The following EMG1 variants were observed in gnomAD, a reference collection of about 807,000 sequenced individuals.
EMG1 encodes ribosomal RNA small subunit methyltransferase NEP1.
EMG1 carries 24 observed loss-of-function variants against 26.9 expected under a neutral mutation model. The ratio of observed to expected loss-of-function variants is 0.89; its 90% CI spans 0.65 to 1.26. The LOEUF is 1.26. Among genes scored for constraint, EMG1 ranks in the 50% most tolerant of loss-of-function variants. The pLI is 0.00. For missense variants in EMG1, 299 were observed against 307.6 expected (o/e 0.97, Z 0.21); for synonymous variants, 140 against 112.6 (o/e 1.24, Z -1.54).
rs372779694 is a variant in EMG1, at chr12:6,978,348, C to T, written c.*2539C>T. 2 of 1,608,808 alleles carry T rather than the reference C, an allele frequency of 1.2e-6. No homozygotes were observed. The highest frequency in any genetic ancestry group is 1.7e-6 in the Non-Finnish European group (2 of 1,177,126). On this transcript the variant is annotated 3_prime_UTR_variant, in exon 6 of 6. Coordinates refer to ENST00000599672, the MANE Select transcript of EMG1 (RefSeq NM_006331.8). ...TCCCCACCAGCAGCTCACCGGGCCA[C>T]CCAGGCGTTGGTGTTGATGTTGAAT...
chr12:6,987,673 TTC>T lies in EMG1; in HGVS notation c.*155-103_*155-102del. The T allele has an allele frequency of 2.5e-6, 1 of 396,564 alleles. No individual in the cohort carries two copies. Among genetic ancestry groups the T allele is most frequent in the Middle Eastern group, 5.8e-4 (1 of 1,716 alleles). 24.6% of individuals were successfully genotyped at this position (396,564 alleles called of 1,614,324 possible). On this transcript the variant is annotated intron_variant and NMD_transcript_variant, in intron 6 of 7. Coordinates refer to the EMG1 transcript ENST00000261406. The surrounding 1 kb of genome is among the most constrained non-coding windows in gnomAD (Gnocchi z 4.1). ...ATAAATAAGTTCTAGGTAGCTAAGT[TTC>T]TCTCTTTAAGCATGAAAACCCTTAA...
chr12:6,974,285 G>C (rs1026362189), intron 1 of EMG1, 54 bp from the exon 2 acceptor site: 3 of 1,338,092 alleles, frequency 2.2e-6, no homozygotes, highest in African/African-American at 1.4e-5. Context: ...AAGAACCACG[G>C]GGCTAGGTAA....
chr12:6,978,395 C>A lies in EMG1; in HGVS notation c.*2586C>A, dbSNP rs1036731044. 2 of 1,613,566 alleles carry A rather than the reference C, an allele frequency of 1.2e-6. No individual in the cohort carries two copies. Among genetic ancestry groups the A allele is most frequent in the Admixed American group, 3.3e-5 (2 of 59,952 alleles). On this transcript the variant is annotated 3_prime_UTR_variant, in exon 6 of 6. Transcript: ENST00000599672. ...GAATGAGGCAATGGTGCCAGTGAAG[C>A]GGGGGTTTGTTTCAAAGAGCCACAC...
chr12:6,976,859 G>A lies in EMG1; in HGVS notation c.*1050G>A, dbSNP rs1591710050. 1 of 303,908 alleles carries A rather than the reference G, an allele frequency of 3.3e-6. No homozygotes were observed. The highest frequency in any genetic ancestry group is 6.3e-6 in the Non-Finnish European group (1 of 159,550). The allele number at this position is 303,908 out of a possible 1,614,324, so 18.8% of individuals were successfully genotyped here. On this transcript the variant is annotated 3_prime_UTR_variant, in exon 6 of 6. Coordinates refer to ENST00000599672, the MANE Select transcript of EMG1 (RefSeq NM_006331.8). ...AAAGGAGTGCTGTGAAAAGGGAGAC[G>A]AGTAGTTTCTGCACCAGTCCCGCAC...
chr12:6,977,161 T>C lies in EMG1; in HGVS notation c.*1352T>C, dbSNP rs952698173. On this transcript the variant is annotated 3_prime_UTR_variant, in exon 6 of 6. Coordinates refer to ENST00000599672, the MANE Select transcript of EMG1 (RefSeq NM_006331.8). The surrounding 1 kb of genome is among the most constrained non-coding windows in gnomAD (Gnocchi z 4.5). The stretch of plus-strand genomic sequence containing the variant: ...GGGAAATGGATTATTCCATCTTCTT[T>C]AACTTCTCTTTCCTTGGCACCATTG... 6.2e-7 allele frequency: 1 copy of C among 1,608,060 alleles called. No individual in the cohort carries two copies. Among genetic ancestry groups the C allele is most frequent in the Non-Finnish European group, 8.5e-7 (1 of 1,174,456 alleles).
At chr12:6,973,757 T>C (rs782601860) in intron 1 of EMG1, among the ~76,000 whole-genome samples, 3 of 151,834 alleles carry the variant, frequency 2.0e-5, no homozygotes, top group East Asian at 1.9e-4. Context: ...TTAGCCACGA[T>C]GGTCTCAATC....
At chr12:6,990,932 A>G (rs1238000573), downstream of EMG1, among the ~76,000 whole-genome samples, 2 of 150,112 alleles carry the variant, frequency 1.3e-5, no homozygotes, top group African/African-American at 4.9e-5. Flanking sequence ...AAAAAAAAAA[A>G]GGAAGAAAAT....
Position 6,974,454 on chromosome 12 carries a change from C to T in EMG1, c.270+14C>T. The T allele has an allele frequency of 1.2e-6, 2 of 1,611,204 alleles. No individual in the cohort carries two copies. The highest frequency in any genetic ancestry group is 1.7e-6 in the Non-Finnish European group (2 of 1,177,524). ...ATCACCCACCAGGTAACTCCAGGGA[C>T]AGTGCTCACAACCCTTTGAGCCTCT... On this transcript the variant is annotated intron_variant, in intron 2 of 5. Transcript: ENST00000599672.
downstream of EMG1, among the ~76,000 whole-genome samples, chr12:6,983,981 A>T (rs782762543): frequency 6.6e-6 from 1 of 152,354 alleles, no homozygotes; most frequent in Admixed American, 6.5e-5. Context: ...CGTCTCTATT[A>T]AAAAACAAGA....
chr12:6,981,599 T>C, downstream of EMG1: 2 of 1,614,096 alleles, frequency 1.2e-6, no homozygotes, highest in Non-Finnish European at 1.7e-6. Flanking sequence ...ACTTACCTGA[T>C]CTTTCCCTCC....
At chr12:6,971,265 T>A (rs1591705436) in intron 1 of EMG1, among the ~76,000 whole-genome samples, 174 bp downstream of exon 1, 1 of 149,320 alleles carries the variant, frequency 6.7e-6, no homozygotes, top group East Asian at 2.0e-4. Context: ...GTAGTACTCA[T>A]TTTTCTTTCT....
At position 6,977,568 on chromosome 12, in the gene EMG1, T is replaced by G. The variant is rs1311023902; in HGVS notation, c.*1759T>G. 1.9e-6 allele frequency: 3 copies of G among 1,614,010 alleles called. No homozygotes were observed. In the African/African-American group the frequency reaches 4.0e-5, roughly 22 times the overall value. The stretch of plus-strand genomic sequence containing the variant: ...GCTCATCAGCATCTTGTCCCTTATA[T>G]TCCCCTTCACCCCCACCCTGGAGGC... On this transcript the variant is annotated 3_prime_UTR_variant, in exon 6 of 6. Coordinates refer to ENST00000599672, the MANE Select transcript of EMG1 (RefSeq NM_006331.8). The surrounding 1 kb of genome is among the most constrained non-coding windows in gnomAD (Gnocchi z 4.5).
At chr12:6,982,611 T>G, downstream of EMG1, 2 of 1,234,416 alleles carry the variant, frequency 1.6e-6, no homozygotes, top group Non-Finnish European at 2.4e-6. Context: ...CACAGTCCCC[T>G]GCCTACCCCT....
rs1199554980 is a variant in EMG1, at chr12:6,987,122, GA to G, written c.*155-652del. ...GCAAGATTCTGTCTCAAAAAAAAAA[GA>G]AAAAAAAGTTTTATGAGGATTTTTG... On this transcript the variant is annotated intron_variant and NMD_transcript_variant, in intron 6 of 7. Coordinates refer to the EMG1 transcript ENST00000261406. The surrounding 1 kb of genome is among the most constrained non-coding windows in gnomAD (Gnocchi z 4.1). 1.2e-4 allele frequency among the ~76,000 whole-genome samples: 18 copies of G among 148,364 alleles called. No homozygotes were observed. Among genetic ancestry groups the G allele is most frequent in the Non-Finnish European group, 1.9e-4 (13 of 67,608 alleles).
rs1946429178 is a variant in EMG1, at chr12:6,978,066, G to A, written c.*2257G>A. 2 of 560,074 alleles carry A rather than the reference G, an allele frequency of 3.6e-6. No individual in the cohort carries two copies. The highest frequency in any genetic ancestry group is 6.3e-6 in the Non-Finnish European group (2 of 316,004). The allele number at this position is 560,074 out of a possible 1,614,324, so 34.7% of individuals were successfully genotyped here. A position where few individuals can be genotyped will look rare whatever the true frequency, so the allele number is the denominator to read the frequency against. On this transcript the variant is annotated 3_prime_UTR_variant, in exon 6 of 6. Transcript: ENST00000599672. Reference sequence around the variant, plus strand: ...GTGGGGACAAACAAGTAAAGCTGTTGATAAACAGGGCAGTGGAGGACATAA... The same window carrying A: ...GTGGGGACAAACAAGTAAAGCTGTTAATAAACAGGGCAGTGGAGGACATAA...
At chr12:6,988,822 C>G (rs1428092127), downstream of EMG1, among the ~76,000 whole-genome samples, 6 of 152,076 alleles carry the variant, frequency 3.9e-5, no homozygotes, top group Non-Finnish European at 5.9e-5. Context: ...TTGTAACAAC[C>G]CAGAGGTTTG....
chr12:6,974,740 G>A (rs781924299), intron 3 of EMG1, 47 bp downstream of exon 3: 2 of 1,601,508 alleles, frequency 1.2e-6, no homozygotes, highest in South Asian at 1.1e-5. Flanking sequence ...CAGTAGGGAA[G>A]AAGGGAGGAA....
Position 6,977,436 on chromosome 12 carries a change from G to A in EMG1, c.*1627G>A, listed in dbSNP as rs781852721. 6.2e-7 allele frequency: 1 copy of A among 1,614,178 alleles called. No individual in the cohort carries two copies. The highest frequency in any genetic ancestry group is 2.2e-5 in the East Asian group (1 of 44,880). ...AGTAACCCATGAAGAGCCAGTGGATGGTCTGTTGCACCAAATAGTAGAAGG... is the reference window on the plus strand; with the variant it reads ...AGTAACCCATGAAGAGCCAGTGGATAGTCTGTTGCACCAAATAGTAGAAGG... On this transcript the variant is annotated 3_prime_UTR_variant, in exon 6 of 6. Coordinates refer to ENST00000599672, the MANE Select transcript of EMG1 (RefSeq NM_006331.8). This position sits in a 1 kb window ranked among gnomAD's most constrained non-coding sequence, Gnocchi z 4.5.
At chr12:6,973,322 C>T (rs1946355087) in intron 1 of EMG1, among the ~76,000 whole-genome samples, 1 of 152,122 alleles carries the variant, frequency 6.6e-6, no homozygotes, top group African/African-American at 2.4e-5. Flanking sequence ...CATGTGCCAC[C>T]ATGCCCAGCT....
Sources: gnomAD v4.1 joint callset for allele counts (sites outside exome capture counted in the v4.1 genomes callset) on GRCh38, gnomAD v4.1.1 for gene constraint, Gnocchi (gnomAD v3.1) non-coding constraint, MANE v1.5 for transcripts, NCBI Gene and HGNC (gene_info 2026-07-23, HGNC 2026-07-21) for gene names.